The following ARL17B variants were observed in gnomAD, a reference collection of about 807,000 sequenced individuals.
ARL17B encodes the protein ARF like GTPase 17B.
intron 4 of ARL17B, among the ~76,000 whole-genome samples, chr17:46,286,400 G>A (rs368934148): frequency 2.0e-4 from 31 of 152,314 alleles, no homozygotes; most frequent in Non-Finnish European, 3.4e-4. Context: ...TACCATGTGG[G>A]AGTTCAAAAT....
intron 4 of ARL17B, among the ~76,000 whole-genome samples, chr17:46,282,229 A>G (rs80015689): frequency 8.5e-5 from 13 of 152,056 alleles, no homozygotes; most frequent in Non-Finnish European, 1.5e-4. Context: ...CAGCCTCCCG[A>G]GTAGCTGGGA....
At chr17:46,276,591 A>C (rs1293380473) in intron 4 of ARL17B, among the ~76,000 whole-genome samples, 1 of 152,204 alleles carries the variant, frequency 6.6e-6, no homozygotes, top group Non-Finnish European at 1.5e-5. Flanking sequence ...ACAATGTGCA[A>C]ACAATGCTGG....
chr17:46,333,178 G>A (rs376491128), downstream of ARL17B, among the ~76,000 whole-genome samples: 1 of 99,864 alleles, frequency 1.0e-5, no homozygotes, highest in Admixed American at 1.0e-4. Flanking sequence ...GCACTACAGA[G>A]TAGCCATCTT....
At chr17:46,284,744 C>G (rs1372197796) in intron 4 of ARL17B, among the ~76,000 whole-genome samples, 3 of 152,228 alleles carry the variant, frequency 2.0e-5, no homozygotes, top group Non-Finnish European at 4.4e-5. Context: ...GATGAGGTGG[C>G]AGAGATGTGA....
At chr17:46,286,388 T>C (rs2049912042) in intron 4 of ARL17B, among the ~76,000 whole-genome samples, 1 of 152,254 alleles carries the variant, frequency 6.6e-6, no homozygotes, top group Non-Finnish European at 1.5e-5. Context: ...CAACTAGTAC[T>C]GTACCATGTG....
At chr17:46,308,097 A>G (rs1598117130) in intron 3 of ARL17B, among the ~76,000 whole-genome samples, 1 of 67,406 alleles carries the variant, frequency 1.5e-5, no homozygotes, top group East Asian at 2.7e-4. Flanking sequence ...CCAGGAAAAC[A>G]CTGGAATCAC....
At chr17:46,281,646 G>A (rs1040994885) in intron 4 of ARL17B, among the ~76,000 whole-genome samples, 8 of 152,136 alleles carry the variant, frequency 5.3e-5, no homozygotes, top group Admixed American at 3.3e-4. Context: ...GTAAGGTTGG[G>A]AATTTTTTCT....
At chr17:46,287,244 A>G (rs1343804634) in intron 4 of ARL17B, among the ~76,000 whole-genome samples, 1 of 152,260 alleles carries the variant, frequency 6.6e-6, no homozygotes, top group Non-Finnish European at 1.5e-5. Flanking sequence ...AAAATAAACC[A>G]CACACTGATG....
At chr17:46,287,544 G>A (rs1169848333) in intron 4 of ARL17B, among the ~76,000 whole-genome samples, 1 of 152,262 alleles carries the variant, frequency 6.6e-6, no homozygotes, top group African/African-American at 2.4e-5. Context: ...GGTACATAGA[G>A]CAATTCAATC....
At position 46,314,456 on chromosome 17, in the gene ARL17B, C is replaced by T. The variant is rs531861532; in HGVS notation, c.260-14791G>A. On this transcript the variant is annotated intron_variant, in intron 3 of 4. Transcript: ENST00000434041. ...ATTTTGCACATAGATGTTCAGGTGA[C>T]GCCATTGCACTCAAGCCTGGGCAAC... 1.1e-4 allele frequency among the ~76,000 whole-genome samples: 9 copies of T among 81,236 alleles called. 3 individuals are homozygous for T. Among genetic ancestry groups the T allele is most frequent in the Non-Finnish European group, 2.8e-4 (8 of 28,388 alleles). The allele number at this position is 81,236 out of a possible 152,430, so 53.3% of individuals were successfully genotyped here.
chr17:46,275,429 T>C (rs2049559448), intron 4 of ARL17B: 8 of 925,232 alleles, frequency 8.6e-6, no homozygotes, highest in Non-Finnish European at 1.3e-5. Context: ...CTACAGAGTA[T>C]AGAAAAAGGG....
chr17:46,288,906 T>A (rs1204454319), intron 4 of ARL17B, among the ~76,000 whole-genome samples: 1 of 152,116 alleles, frequency 6.6e-6, no homozygotes, highest in Non-Finnish European at 1.5e-5. Context: ...GGTTTCACCA[T>A]GTTGGCCAGG....
In ARL17B at chr17:46,323,927, T is replaced by TA. The variant is rs1381793804; in HGVS notation, c.260-24263dup. 4.0e-5 allele frequency among the ~76,000 whole-genome samples: 4 copies of TA among 99,646 alleles called. 1 individual carries two copies. Among genetic ancestry groups the TA allele is most frequent in the Admixed American group, 2.0e-4 (2 of 9,952 alleles). 65.4% of individuals were successfully genotyped at this position (99,646 alleles called of 152,430 possible). ...TACCATTTACACTGTATTAGGTACTTAGAGTATACCTGAGGCTGTATACAA... is the reference window on the plus strand; with the variant it reads ...TACCATTTACACTGTATTAGGTACTTAAGAGTATACCTGAGGCTGTATACAA... On this transcript the variant is annotated intron_variant, in intron 3 of 4. Transcript: ENST00000434041.
At chr17:46,286,629 A>G (rs1253544728) in intron 4 of ARL17B, among the ~76,000 whole-genome samples, 1 of 152,246 alleles carries the variant, frequency 6.6e-6, no homozygotes, top group Non-Finnish European at 1.5e-5. Context: ...TAAATTTTGA[A>G]GGGTAGGTAA....
intron 4 of ARL17B, among the ~76,000 whole-genome samples, chr17:46,283,641 T>C (rs2732623): frequency 1.3e-5 from 2 of 151,996 alleles, no homozygotes; most frequent in South Asian, 2.1e-4. Context: ...CCTCCACACC[T>C]GTGGGTGTTT....
At chr17:46,275,388 A>G in exon 5 of ARL17B, 1 of 1,001,982 alleles carries the variant, frequency 1.0e-6, no homozygotes, top group Non-Finnish European at 1.5e-6. Context: ...AACTTTAGGA[A>G]GCTGTAGACT....
chr17:46,283,010 G>A (rs1357010619), intron 4 of ARL17B, among the ~76,000 whole-genome samples: 2 of 152,078 alleles, frequency 1.3e-5, no homozygotes, highest in Non-Finnish European at 2.9e-5. Context: ...TCCCAACTAC[G>A]CGGGAGGCTG....
intron 4 of ARL17B, among the ~76,000 whole-genome samples, chr17:46,282,219 C>T (rs2049782878): frequency 6.6e-6 from 1 of 152,150 alleles, no homozygotes; most frequent in Non-Finnish European, 1.5e-5. Context: ...TCTCCTGCCT[C>T]AGCCTCCCGA....
chr17:46,279,640 G>C (rs2049705074), intron 4 of ARL17B, among the ~76,000 whole-genome samples: 1 of 151,802 alleles, frequency 6.6e-6, no homozygotes, highest in Non-Finnish European at 1.5e-5. Flanking sequence ...TGGGATCATG[G>C]GTGCACATCA....
Sources: gnomAD v4.1 joint callset for allele counts (sites outside exome capture counted in the v4.1 genomes callset) on GRCh38, gnomAD v4.1.1 for gene constraint, MANE v1.5 for transcripts, NCBI Gene and HGNC (gene_info 2026-07-23, HGNC 2026-07-21) for gene names.